The following MACROD2 variants were observed in gnomAD, a reference collection of about 807,000 sequenced individuals.
MACROD2 encodes the protein mono-ADP ribosylhydrolase 2.
MACROD2 carries 36 observed loss-of-function variants against 70.4 expected under a neutral mutation model. The ratio of observed to expected loss-of-function variants is 0.51; its 90% CI spans 0.39 to 0.68. The LOEUF (loss-of-function observed/expected upper bound fraction) is 0.68. MACROD2 is among the 30% of genes least tolerant of loss of function. The pLI is 0.00. For missense variants in MACROD2, 496 were observed against 538.4 expected, an observed-to-expected ratio of 0.92 and a Z score of 0.78; for synonymous variants, 172 against 178.8, an observed-to-expected ratio of 0.96 and a Z score of 0.30.
intron 5 of MACROD2, among the ~76,000 whole-genome samples, chr20:14,869,880 G>T (rs2073468456): frequency 6.6e-6 from 1 of 152,118 alleles, no homozygotes; most frequent in Admixed American, 6.6e-5. Context: ...AATTTAAAGA[G>T]CAGCTGGGAA....
At chr20:14,311,984 A>G (rs2082571712) in intron 3 of MACROD2, among the ~76,000 whole-genome samples, 1 of 152,218 alleles carries the variant, frequency 6.6e-6, no homozygotes, top group Non-Finnish European at 1.5e-5. Flanking sequence ...AATATTTGGT[A>G]CTGATAAATA....
rs530538252 is a variant in MACROD2, at chr20:15,957,755, G to T, written c.908-9798G>T. Among the ~76,000 whole-genome samples the T allele has an allele frequency of 5.3e-5, 8 of 152,262 alleles. No individual in the cohort carries two copies. The South Asian group carries it at 1.0e-3, about 20-fold the overall frequency. ...ACTTAGGAACAGATGGCCTTATCTGGCCCCCTTATATCTCCCAACACGGTG... is the reference window on the plus strand; with the variant it reads ...ACTTAGGAACAGATGGCCTTATCTGTCCCCCTTATATCTCCCAACACGGTG... On this transcript the variant is annotated intron_variant, in intron 12 of 17. Transcript: ENST00000684519.
chr20:14,539,657 T>A (rs2327861), intron 4 of MACROD2, among the ~76,000 whole-genome samples: 61,195 of 151,968 alleles, frequency 0.4, 12,916 homozygotes, highest in East Asian at 0.64. Context: ...ATAACTTTTT[T>A]AAAAATTAAA....
intron 7 of MACROD2, among the ~76,000 whole-genome samples, chr20:15,445,223 G>A (rs2046546568): frequency 6.6e-6 from 1 of 152,124 alleles, no homozygotes; most frequent in Non-Finnish European, 1.5e-5. Flanking sequence ...TGAAATCCAG[G>A]TGTCTCATCT....
intron 6 of MACROD2, among the ~76,000 whole-genome samples, chr20:15,237,496 C>T (rs1483771433): frequency 2.0e-5 from 3 of 150,070 alleles, no homozygotes; most frequent in African/African-American, 7.4e-5. Flanking sequence ...TCATATCACA[C>T]TTATGGCACT....
At chr20:14,528,844 A>T (rs1233727881) in intron 4 of MACROD2, among the ~76,000 whole-genome samples, 1 of 152,182 alleles carries the variant, frequency 6.6e-6, no homozygotes. Context: ...TACATCCTGT[A>T]GGTGCAAGTT....
intron 5 of MACROD2, among the ~76,000 whole-genome samples, chr20:14,947,632 G>A (rs1463170701): frequency 6.6e-6 from 1 of 152,060 alleles, no homozygotes; most frequent in South Asian, 2.1e-4. Context: ...AACACAGATG[G>A]CCTACCCCCC....
chr20:15,021,094 A>ATGTGTATACACGTGTATGTGTATACACG (rs528166214), intron 5 of MACROD2, among the ~76,000 whole-genome samples: 6 of 129,132 alleles, frequency 4.6e-5, no homozygotes, highest in South Asian at 4.5e-4. Flanking sequence ...ATACACGTGT[A>ATGTGTATACACGTGTATGTGTATACACG]TGTGTATACA....
intron 5 of MACROD2, among the ~76,000 whole-genome samples, chr20:14,775,818 A>C (rs1008206695): frequency 6.6e-6 from 1 of 152,066 alleles, no homozygotes; most frequent in Non-Finnish European, 1.5e-5. Flanking sequence ...AAAAAATTTT[A>C]TATGGACCCA....
At chr20:15,748,375 C>T (rs2051216769) in intron 8 of MACROD2, among the ~76,000 whole-genome samples, 1 of 151,944 alleles carries the variant, frequency 6.6e-6, no homozygotes, top group South Asian at 2.1e-4. Flanking sequence ...TTCCTCCCTT[C>T]CTTCTTTCCT....
intron 8 of MACROD2, among the ~76,000 whole-genome samples, chr20:15,727,096 C>A (rs569391709): frequency 6.6e-5 from 10 of 151,934 alleles, no homozygotes; most frequent in Non-Finnish European, 1.5e-4. Flanking sequence ...ATATTTAAGT[C>A]TTTAATCTTG....
At chr20:15,474,974 C>T (rs2047003698) in intron 7 of MACROD2, among the ~76,000 whole-genome samples, 1 of 151,106 alleles carries the variant, frequency 6.6e-6, no homozygotes. Flanking sequence ...CTGGGGGATC[C>T]GCATCTGCAG....
chr20:14,989,778 G>C (rs914601539), intron 5 of MACROD2, among the ~76,000 whole-genome samples: 3 of 152,092 alleles, frequency 2.0e-5, no homozygotes, highest in Non-Finnish European at 2.9e-5. Context: ...GTCCGTTTTA[G>C]GTCGGTCATA....
At chr20:14,056,346 T>A (rs2053630885) in intron 2 of MACROD2, among the ~76,000 whole-genome samples, 1 of 152,024 alleles carries the variant, frequency 6.6e-6, no homozygotes, top group African/African-American at 2.4e-5. Context: ...TATTGTTTTT[T>A]TAAAGCAATG....
chr20:14,739,951 A>G (rs765615407), intron 5 of MACROD2, among the ~76,000 whole-genome samples: 2 of 152,088 alleles, frequency 1.3e-5, no homozygotes, highest in Admixed American at 6.6e-5. Context: ...GTAGGAATCT[A>G]TATTTTTAAA....
At position 15,095,058 on chromosome 20, in the gene MACROD2, CCTCTTCTTTTTTTTT is replaced by C. The variant is rs2075819164; in HGVS notation, c.419-134881_419-134867del. Among the ~76,000 whole-genome samples the C allele has an allele frequency of 5.2e-5, 3 of 58,048 alleles. 1 individual carries two copies. The highest frequency in any genetic ancestry group is 2.7e-4 in the African/African-American group (3 of 10,970). The allele number at this position is 58,048 out of a possible 152,430, so 38.1% of individuals were successfully genotyped here. A position where few individuals can be genotyped will look rare whatever the true frequency, so the allele number is the denominator to read the frequency against. The stretch of plus-strand genomic sequence containing the variant: ...TTGTTATATCTTTTCACTGTGGTCT[CCTCTTCTTTTTTTTT>C]TTTTTTTTTTTTTTTTTTTTTTAGA... On this transcript the variant is annotated intron_variant, in intron 5 of 17. Transcript: ENST00000684519.
chr20:15,327,096 C>T (rs903012447), intron 6 of MACROD2, among the ~76,000 whole-genome samples: 1 of 152,062 alleles, frequency 6.6e-6, no homozygotes, highest in Non-Finnish European at 1.5e-5. Flanking sequence ...CTGAAGAAAT[C>T]ATAAATGTTT....
chr20:14,471,087 T>C (rs1568627953), intron 3 of MACROD2, among the ~76,000 whole-genome samples: 4 of 152,150 alleles, frequency 2.6e-5, no homozygotes, highest in Admixed American at 6.5e-5. Context: ...TCTGTGGGTT[T>C]CTATGACCAT....
intron 3 of MACROD2, among the ~76,000 whole-genome samples, chr20:14,484,972 C>G (rs796352005): frequency 5.7e-4 from 87 of 152,166 alleles, no homozygotes; most frequent in African/African-American, 1.8e-3. Flanking sequence ...TGATTGCTAT[C>G]TTTTGGGTAT....
Sources: allele counts gnomAD v4.1 joint callset (sites outside exome capture counted in the v4.1 genomes callset), GRCh38; gene constraint gnomAD v4.1.1; transcripts MANE v1.5; gene names NCBI Gene and HGNC (gene_info 2026-07-23, HGNC 2026-07-21).